SRRM3: variants seen among roughly 807,000 people sequenced by gnomAD.
SRRM3 encodes serine/arginine repetitive matrix protein 3.
A neutral mutation model predicts 66.2 loss-of-function variants in SRRM3; 27 were observed. That is an observed-to-expected ratio of 0.41 (90% confidence interval 0.30 to 0.56). The LOEUF is 0.56. Ranked by LOEUF, SRRM3 falls within the 20% of genes least tolerant of loss-of-function variation. SRRM3 has a pLI of 0.32. For missense variants in SRRM3, 918 were observed against 991.9 expected (o/e 0.93, Z 1.00); for synonymous variants, 391 against 414.9 (o/e 0.94, Z 0.70).
chr7:76,285,248 G>A lies in SRRM3; in HGVS notation c.1734-367G>A, dbSNP rs1458979602. 1.7e-5 allele frequency: 4 copies of A among 228,764 alleles called. No homozygotes were observed. Among genetic ancestry groups the A allele is most frequent in the African/African-American group, 9.3e-5 (4 of 43,212 alleles). The allele number at this position is 228,764 out of a possible 1,614,324, so 14.2% of individuals were successfully genotyped here. On this transcript the variant is annotated intron_variant, in intron 14 of 14. Transcript: ENST00000611745. The surrounding 1 kb of genome is among the most constrained non-coding windows in gnomAD (Gnocchi z 4.1). The stretch of plus-strand genomic sequence containing the variant: ...CCGGCAAATGTTTGTATTTTTAGTA[G>A]AGACAGGGTTTCATTATGTTGGCCA...
rs797024148 is a variant in SRRM3, at chr7:76,202,476, T to C, written c.-40+409T>C. On this transcript the variant is annotated intron_variant, in intron 1 of 14. Transcript: ENST00000611745. ...AGGGAGCAGGCCCCCACCTGGATGC[T>C]GGGCCTCTGTCCAGCAGGAGGTGCC... Among the ~76,000 whole-genome samples, 49 of 152,188 alleles carry C rather than the reference T, an allele frequency of 3.2e-4. 2 individuals are homozygous for C. Among genetic ancestry groups the C allele is most frequent in the African/African-American group, 1.1e-3 (45 of 41,524 alleles).
chr7:76,260,089 GC>G, intron 4 of SRRM3, 27 bp from the exon 5 acceptor site: 1 of 529,060 alleles, frequency 1.9e-6, no homozygotes, highest in Non-Finnish European at 2.4e-6. Context: ...CCCCCTCACC[GC>G]CCCCACCCCC....
chr7:76,257,865 C>T (rs1801752998), intron 3 of SRRM3, among the ~76,000 whole-genome samples: 1 of 152,200 alleles, frequency 6.6e-6, no homozygotes, highest in African/African-American at 2.4e-5. Context: ...ATCACTCTCA[C>T]CTTCGAGAAG....
rs782388660 is a variant in SRRM3, at chr7:76,264,728, C to T, written c.675-37C>T. 49 of 1,611,216 alleles carry T rather than the reference C, an allele frequency of 3.0e-5. 1 individual carries two copies. The Middle Eastern group carries it at 2.0e-3, about 65-fold the overall frequency. On this transcript the variant is annotated intron_variant, in intron 8 of 14. Coordinates refer to ENST00000611745, the MANE Select transcript of SRRM3 (RefSeq NM_001110199.3). Reference sequence around the variant, plus strand: ...CAGGGCACGAAGGCCACACCCTCCCCGGGCCACACCATCACTGTGGTCTCT... The same window carrying T: ...CAGGGCACGAAGGCCACACCCTCCCTGGGCCACACCATCACTGTGGTCTCT...
At chr7:76,241,560 A>G (rs1801296569) in intron 2 of SRRM3, among the ~76,000 whole-genome samples, 1 of 152,098 alleles carries the variant, frequency 6.6e-6, no homozygotes, top group African/African-American at 2.4e-5. Context: ...CTGGAGTGCA[A>G]TGGCGCAATC....
At chr7:76,248,391 T>C in intron 3 of SRRM3, 102 bp downstream of exon 3, 1 of 766,208 alleles carries the variant, frequency 1.3e-6, no homozygotes, top group Non-Finnish European at 2.2e-6. Flanking sequence ...TGGTTGGGGC[T>C]CAGGTGAGGG....
chr7:76,283,413 G>T, intron 14 of SRRM3: 1 of 522,522 alleles, frequency 1.9e-6, no homozygotes, highest in Admixed American at 2.5e-5. Flanking sequence ...GTGGGCCGCA[G>T]CCGGCATGGA....
intron 1 of SRRM3, among the ~76,000 whole-genome samples, chr7:76,205,474 T>G (rs1163982536): frequency 7.2e-5 from 11 of 152,118 alleles, no homozygotes; most frequent in Non-Finnish European, 1.3e-4. Flanking sequence ...CCTCCCCAAG[T>G]GTTAGGATTA....
At chr7:76,202,825 C>G (rs2116914723) in intron 1 of SRRM3, among the ~76,000 whole-genome samples, 1 of 152,286 alleles carries the variant, frequency 6.6e-6, no homozygotes, top group East Asian at 1.9e-4. Flanking sequence ...GGGCTCCTGC[C>G]TGGACAGTGT....
intron 1 of SRRM3, among the ~76,000 whole-genome samples, chr7:76,213,042 C>T (rs1163490656): frequency 7.9e-6 from 1 of 126,068 alleles, no homozygotes; most frequent in Non-Finnish European, 1.6e-5. Flanking sequence ...CGGAGTCTCA[C>T]TCTGTCGCCC....
Position 76,264,207 on chromosome 7 carries a change from G to A in SRRM3, c.675-558G>A, listed in dbSNP as rs1169745905. Among the ~76,000 whole-genome samples the A allele has an allele frequency of 4.8e-5, 6 of 123,726 alleles. No homozygotes were observed. In the East Asian group the frequency reaches 1.6e-3, roughly 32 times the overall value. The allele number at this position is 123,726 out of a possible 152,430, so 81.2% of individuals were successfully genotyped here. A position where few individuals can be genotyped will look rare whatever the true frequency, so the allele number is the denominator to read the frequency against. On this transcript the variant is annotated intron_variant, in intron 8 of 14. Transcript: ENST00000611745. ...CCTGAGACGGAGTTTCACTCTTATTGCCCAGGCTGGAGTGCAAAGGCGCGA... is the reference window on the plus strand; with the variant it reads ...CCTGAGACGGAGTTTCACTCTTATTACCCAGGCTGGAGTGCAAAGGCGCGA...
At position 76,285,712 on chromosome 7, in the gene SRRM3, C is replaced by G. The variant is rs1802649592; in HGVS notation, c.1831C>G (p.Pro611Ala). Reference sequence around the variant, plus strand: ...CTCGACCCGGAGCCACAGCCGCAGCCCCAGCCCCGGCCACAGCCACGGGAG... The same window carrying G: ...CTCGACCCGGAGCCACAGCCGCAGCGCCAGCCCCGGCCACAGCCACGGGAG... The part of the protein sequence containing the change: ...DYSTRSHSRS[P>A]SPGHSHGSYS... Residue 611 changes from proline (P) to alanine (A), a missense_variant, in exon 15 of 15, where the codon CCC becomes GCC. Transcript: ENST00000611745. This position sits in a 1 kb window ranked among gnomAD's most constrained non-coding sequence, Gnocchi z 4.1. 6.4e-7 allele frequency: 1 copy of G among 1,550,902 alleles called. No homozygotes were observed. Among genetic ancestry groups the G allele is most frequent in the Non-Finnish European group, 8.7e-7 (1 of 1,146,866 alleles).
intron 1 of SRRM3, among the ~76,000 whole-genome samples, chr7:76,204,382 T>A (rs1374110077): frequency 6.6e-6 from 1 of 152,210 alleles, no homozygotes; most frequent in Non-Finnish European, 1.5e-5. Flanking sequence ...TTCGTATACA[T>A]GATCTCATCT....
At chr7:76,211,124 T>C (rs1800420992) in intron 1 of SRRM3, among the ~76,000 whole-genome samples, 1 of 152,208 alleles carries the variant, frequency 6.6e-6, no homozygotes, top group Non-Finnish European at 1.5e-5. Context: ...GAATGTTTTT[T>C]AGATGGACTA....
rs555374238 is a variant in SRRM3, at chr7:76,263,243, G to C, written c.675-1522G>C. 3.7e-4 allele frequency among the ~76,000 whole-genome samples: 56 copies of C among 152,190 alleles called. 1 individual carries two copies. The highest frequency in any genetic ancestry group is 6.5e-5 in the Admixed American group (1 of 15,286). On this transcript the variant is annotated intron_variant, in intron 8 of 14. Transcript: ENST00000611745. Reference sequence around the variant, plus strand: ...ATGGGGAGACTGAAGCCCAAAGCAGGCTCCAGCACCCAAACCCATAGCCTC... The same window carrying C: ...ATGGGGAGACTGAAGCCCAAAGCAGCCTCCAGCACCCAAACCCATAGCCTC...
intron 6 of SRRM3, among the ~76,000 whole-genome samples, chr7:76,261,117 G>T: frequency 7.6e-6 from 1 of 131,756 alleles, no homozygotes; most frequent in South Asian, 2.2e-4. Context: ...ACAATGCCAG[G>T]GGGGACATTG....
intron 11 of SRRM3, chr7:76,267,732 G>C: frequency 3.0e-6 from 1 of 333,270 alleles, no homozygotes. Context: ...GCACTGAGTT[G>C]GGTACAGGGC....
chr7:76,260,258 C>T (rs1801822697), intron 5 of SRRM3, 61 bp downstream of exon 5: 23 of 1,310,934 alleles, frequency 1.8e-5, no homozygotes, highest in Admixed American at 2.6e-5. Context: ...TCCCCGGATG[C>T]CCGTCCCTGG....
intron 1 of SRRM3, among the ~76,000 whole-genome samples, chr7:76,207,759 C>T (rs565097177): frequency 1.3e-5 from 2 of 152,034 alleles, no homozygotes; most frequent in South Asian, 4.2e-4. Context: ...CGCATGTAGC[C>T]CCAGCTACTC....
Sources: gnomAD v4.1 joint callset for allele counts (sites outside exome capture counted in the v4.1 genomes callset) on GRCh38, gnomAD v4.1.1 for gene constraint, Gnocchi (gnomAD v3.1) non-coding constraint, MANE v1.5 for transcripts, NCBI Gene and HGNC (gene_info 2026-07-23, HGNC 2026-07-21) for gene names.